Variants in LHFPL2 observed in about 807,000 individuals in gnomAD.
LHFPL2 encodes the protein LHFPL tetraspan subfamily member 2.
LHFPL2 carries 7 observed loss-of-function variants against 17.5 expected under a neutral mutation model. That is an observed-to-expected ratio of 0.40 (90% CI 0.23 to 0.75). LHFPL2 has a LOEUF of 0.75. Ranked by LOEUF, LHFPL2 falls within the 30% of genes least tolerant of loss-of-function variation. The probability of loss-of-function intolerance (pLI) is 0.37; values close to 1 mark genes in which losing one functional copy is unlikely to be tolerated. For synonymous variants in LHFPL2, 134 were observed against 116.2 expected (o/e 1.15, Z -0.99); for missense variants, 241 against 294.8 (o/e 0.82, Z 1.34).
intron 3 of LHFPL2, among the ~76,000 whole-genome samples, chr5:78,516,986 G>A (rs1403561794): frequency 3.9e-5 from 6 of 152,214 alleles, no homozygotes; most frequent in Non-Finnish European, 8.8e-5. Context: ...AAAACTGCAT[G>A]GTTGGCCACA....
intron 4 of LHFPL2, among the ~76,000 whole-genome samples, chr5:78,503,087 T>C (rs1754823206): frequency 6.6e-6 from 1 of 152,192 alleles, no homozygotes. Context: ...GACCGCGCTG[T>C]AGGACAGTTC....
chr5:78,534,489 C>T (rs186582138), intron 3 of LHFPL2, among the ~76,000 whole-genome samples: 319 of 152,328 alleles, frequency 2.1e-3, no homozygotes, highest in African/African-American at 7.4e-3. Flanking sequence ...ATGACTCCCC[C>T]ATTCCGCGGC....
intron 3 of LHFPL2, among the ~76,000 whole-genome samples, chr5:78,551,263 G>A (rs1463252013): frequency 2.0e-5 from 3 of 152,176 alleles, no homozygotes; most frequent in Non-Finnish European, 4.4e-5. Flanking sequence ...TGAGTGCATT[G>A]GTCTAAGAAA....
At position 78,510,205 on chromosome 5, in the gene LHFPL2, A is replaced by G; in HGVS notation, c.9T>C (p.His3=). 1.3e-6 allele frequency: 2 copies of G among 1,591,320 alleles called. No homozygotes were observed. Among genetic ancestry groups the G allele is most frequent in the South Asian group, 1.1e-5 (1 of 89,786 alleles). Residue 3 remains histidine, a synonymous_variant, in exon 4 of 5, where the codon CAT becomes CAC. Transcript: ENST00000380345. Reference sequence around the variant, plus strand: ...GCATCGAGCGACAGGTGACAATGACATGACACATATTGATGTTCCGGGCGA... The same window carrying G: ...GCATCGAGCGACAGGTGACAATGACGTGACACATATTGATGTTCCGGGCGA... MC[H]VIVTCRSMLW...
rs539059566 is a variant in LHFPL2, at chr5:78,643,040, G to C, written c.-350+5459C>G. Among the ~76,000 whole-genome samples, 22 of 152,038 alleles carry C rather than the reference G, an allele frequency of 1.4e-4. No homozygotes were observed. In the East Asian group the frequency reaches 4.3e-3, roughly 29 times the overall value. On this transcript the variant is annotated intron_variant, in intron 1 of 4. Coordinates refer to ENST00000380345, the MANE Select transcript of LHFPL2 (RefSeq NM_005779.3). ...GTTTCTAAAGTGCAATATGATCACA[G>C]CATTCACCTGCTACAAATGCTCCAA...
chr5:78,521,935 C>A (rs949929572), intron 3 of LHFPL2, among the ~76,000 whole-genome samples: 15 of 152,172 alleles, frequency 9.9e-5, no homozygotes, highest in Non-Finnish European at 2.2e-4. Context: ...ATGCTGTGTG[C>A]AGATACGACC....
At chr5:78,593,779 G>T (rs1743728565) in intron 2 of LHFPL2, among the ~76,000 whole-genome samples, 1 of 152,122 alleles carries the variant, frequency 6.6e-6, no homozygotes, top group African/African-American at 2.4e-5. Context: ...GAGGAGCAAG[G>T]CTGGACCAAT....
rs530446367 is a variant in LHFPL2 at position 78,507,549 on chromosome 5, A to G, written c.430+2235T>C. On this transcript the variant is annotated intron_variant, in intron 4 of 4. Coordinates refer to ENST00000380345, the MANE Select transcript of LHFPL2 (RefSeq NM_005779.3). ...ATGTAAACAGTCTTGAAGGATACCT[A>G]TGCTTTGCTTCTGAATGACTGCCAA... Among the ~76,000 whole-genome samples, 8 of 152,266 alleles carry G rather than the reference A, an allele frequency of 5.3e-5. No individual in the cohort carries two copies. In the South Asian group the frequency reaches 1.2e-3, roughly 24 times the overall value.
intron 3 of LHFPL2, among the ~76,000 whole-genome samples, chr5:78,519,967 G>A (rs1031296848): frequency 7.9e-5 from 12 of 151,660 alleles, no homozygotes; most frequent in African/African-American, 2.4e-4. Flanking sequence ...TATAAACCAC[G>A]CTCTAGCATT....
At chr5:78,506,909 G>T (rs948051574) in intron 4 of LHFPL2, among the ~76,000 whole-genome samples, 4 of 152,034 alleles carry the variant, frequency 2.6e-5, no homozygotes, top group African/African-American at 9.7e-5. Flanking sequence ...AGTAACAGGG[G>T]TAGGGAGGAA....
rs1745789413 is a variant in LHFPL2, at chr5:78,644,404, G to C, written c.-350+4095C>G. 4 of 784,430 alleles carry C rather than the reference G, an allele frequency of 5.1e-6. No homozygotes were observed. The African/African-American group carries it at 7.0e-5, about 14-fold the overall frequency. 48.6% of individuals were successfully genotyped at this position (784,430 alleles called of 1,614,324 possible). On this transcript the variant is annotated intron_variant, in intron 1 of 4. Coordinates refer to ENST00000380345, the MANE Select transcript of LHFPL2 (RefSeq NM_005779.3). ...ATATCCTTTTCATATTTTTCCTTCAGCTTCACAGCCTTTTCATAAGGCTGC... is the reference window on the plus strand; with the variant it reads ...ATATCCTTTTCATATTTTTCCTTCACCTTCACAGCCTTTTCATAAGGCTGC...
intron 2 of LHFPL2, among the ~76,000 whole-genome samples, chr5:78,578,585 GCACA>G (rs61127481): frequency 0.027 from 4,005 of 146,706 alleles, 136 homozygotes; most frequent in African/African-American, 0.085. Flanking sequence ...TTGCATATGT[GCACA>G]CACACACACA....
At chr5:78,575,414 T>G (rs1322431959) in intron 2 of LHFPL2, among the ~76,000 whole-genome samples, 1 of 152,062 alleles carries the variant, frequency 6.6e-6, no homozygotes, top group Non-Finnish European at 1.5e-5. Context: ...CCGGGCGTGG[T>G]GGCACGCACC....
intron 2 of LHFPL2, among the ~76,000 whole-genome samples, chr5:78,621,221 C>T (rs1208807271): frequency 3.9e-5 from 6 of 152,140 alleles, no homozygotes; most frequent in African/African-American, 7.2e-5. Flanking sequence ...TCTGGTCCTC[C>T]GTTTCTTAAG....
At chr5:78,523,662 G>A (rs1218708580) in intron 3 of LHFPL2, among the ~76,000 whole-genome samples, 1 of 152,194 alleles carries the variant, frequency 6.6e-6, no homozygotes, top group Non-Finnish European at 1.5e-5. Context: ...GTCATTGACA[G>A]TCACAGCCTG....
intron 3 of LHFPL2, among the ~76,000 whole-genome samples, chr5:78,563,431 C>G (rs996473350): frequency 6.6e-6 from 1 of 152,132 alleles, no homozygotes; most frequent in African/African-American, 2.4e-5. Context: ...CATGGTGACT[C>G]ACGCCTGTAA....
At chr5:78,566,145 G>C (rs1442810824) in intron 2 of LHFPL2, among the ~76,000 whole-genome samples, 4 of 152,098 alleles carry the variant, frequency 2.6e-5, no homozygotes, top group African/African-American at 9.7e-5. Context: ...AAGAAAACAA[G>C]AAGTCCACAT....
intron 4 of LHFPL2, among the ~76,000 whole-genome samples, chr5:78,493,830 A>G (rs945694091): frequency 2.6e-5 from 4 of 152,226 alleles, no homozygotes; most frequent in Non-Finnish European, 4.4e-5. Context: ...AACTTCTTCA[A>G]TGGGCATATG....
rs572270580 is a variant in LHFPL2, at chr5:78,511,253, C to T, written c.-185-855G>A. The stretch of plus-strand genomic sequence containing the variant: ...TGAAGAATGCATCCCTTGAATTGTC[C>T]CAATTCATCCCATGTGCCTCTGCCT... On this transcript the variant is annotated intron_variant, in intron 3 of 4. Transcript: ENST00000380345. Among the ~76,000 whole-genome samples the T allele has an allele frequency of 4.6e-5, 7 of 152,310 alleles. 1 individual carries two copies. In the South Asian group the frequency reaches 1.5e-3, roughly 32 times the overall value.
Sources: gnomAD v4.1 joint callset for allele counts (sites outside exome capture counted in the v4.1 genomes callset) on GRCh38, gnomAD v4.1.1 for gene constraint, MANE v1.5 for transcripts, NCBI Gene and HGNC (gene_info 2026-07-23, HGNC 2026-07-21) for gene names.